DLGAP3: variants seen among roughly 807,000 people sequenced by gnomAD.
DLGAP3 encodes the protein DLG associated protein 3.
In DLGAP3, 17 loss-of-function variants were observed where a neutral mutation model predicts 81.2. The ratio of observed to expected loss-of-function variants is 0.21; its 90% CI spans 0.14 to 0.31. The LOEUF (loss-of-function observed/expected upper bound fraction) is 0.31. Among genes scored for constraint, DLGAP3 ranks in the 10% least tolerant of loss-of-function variants. The pLI, the probability that DLGAP3 is intolerant of heterozygous loss-of-function variation, is 1.00. For missense variants in DLGAP3, 1,124 were observed against 1,388.0 expected, an observed-to-expected ratio of 0.81 and a Z score of 3.02; for synonymous variants, 577 against 587.4, an observed-to-expected ratio of 0.98 and a Z score of 0.26.
intron 1 of DLGAP3, among the ~76,000 whole-genome samples, chr1:34,908,226 G>A (rs920110379): frequency 6.6e-6 from 1 of 152,218 alleles, no homozygotes; most frequent in Non-Finnish European, 1.5e-5. Context: ...CACTCACTAA[G>A]TAGATGAATA....
Position 34,896,660 on chromosome 1 carries a change from A to G in DLGAP3, c.1386+3009T>C, listed in dbSNP as rs138419213. ...GGTCTCTGTATTGTTTAGGAGGAGC[A>G]CAGAAAAAACTGTCAGCTTCAGACG... On this transcript the variant is annotated intron_variant, in intron 5 of 11. Transcript: ENST00000373347. Among the ~76,000 whole-genome samples, 5 of 152,166 alleles carry G rather than the reference A, an allele frequency of 3.3e-5. No individual in the cohort carries two copies. In the East Asian group the frequency reaches 9.6e-4, roughly 29 times the overall value.
At chr1:34,886,943 C>CTTTTTTTTTTT (rs949966445) in intron 5 of DLGAP3, among the ~76,000 whole-genome samples, 1 of 64,300 alleles carries the variant, frequency 1.6e-5, no homozygotes. Context: ...CCCCCACCTT[C>CTTTTTTTTTTT]TTTTTTTTTT....
chr1:34,883,203 G>A (rs1467207868), intron 8 of DLGAP3, among the ~76,000 whole-genome samples: 1 of 152,144 alleles, frequency 6.6e-6, no homozygotes, highest in East Asian at 1.9e-4. Context: ...GCTTCTGTGA[G>A]GGCAGAAGTC....
At chr1:34,896,685 G>A (rs559699658) in intron 5 of DLGAP3, among the ~76,000 whole-genome samples, 19 of 152,028 alleles carry the variant, frequency 1.2e-4, no homozygotes, top group African/African-American at 1.7e-4. Context: ...AGCTTCAGAC[G>A]TTAAGTCAAA....
chr1:34,867,398 C>A lies in DLGAP3; in HGVS notation c.2577+138G>T. The A allele has an allele frequency of 9.5e-7, 1 of 1,050,756 alleles. No individual in the cohort carries two copies. 65.1% of individuals were successfully genotyped at this position (1,050,756 alleles called of 1,614,324 possible). A position where few individuals can be genotyped will look rare whatever the true frequency, so the allele number is the denominator to read the frequency against. On this transcript the variant is annotated intron_variant, in intron 10 of 11. Coordinates refer to ENST00000373347, the MANE Select transcript of DLGAP3 (RefSeq NM_001080418.3). The surrounding 1 kb of genome is among the most constrained non-coding windows in gnomAD (Gnocchi z 4.3). ...GTCCTACCTCCAGGCACAAGACTCA[C>A]AGCTACCCCAGAAGGCATGCAGGCC...
intron 1 of DLGAP3, among the ~76,000 whole-genome samples, chr1:34,909,577 G>C (rs746356639): frequency 1.8e-4 from 27 of 152,302 alleles, no homozygotes; most frequent in Non-Finnish European, 3.5e-4. Flanking sequence ...AAAATCCCCA[G>C]TGTCCAAATA....
chr1:34,914,838 G>A (rs1321440370), intron 1 of DLGAP3, among the ~76,000 whole-genome samples: 2 of 152,154 alleles, frequency 1.3e-5, no homozygotes, highest in Non-Finnish European at 1.5e-5. Flanking sequence ...ATCGGAAATG[G>A]GTGGTCTGAA....
intron 8 of DLGAP3, 99 bp from the exon 9 acceptor site, chr1:34,869,188 C>A (rs900613100): frequency 4.6e-6 from 4 of 871,076 alleles, no homozygotes; most frequent in Non-Finnish European, 5.2e-6. Flanking sequence ...GAAAGGGAAC[C>A]TACAAAGTGA....
chr1:34,919,500 C>T (rs1034862645), intron 1 of DLGAP3, among the ~76,000 whole-genome samples: 4 of 152,122 alleles, frequency 2.6e-5, no homozygotes, highest in African/African-American at 7.2e-5. Flanking sequence ...ACAACCAGGC[C>T]GGGTGCAGTG....
intron 1 of DLGAP3, among the ~76,000 whole-genome samples, chr1:34,917,613 G>A (rs1026022238): frequency 6.6e-6 from 1 of 152,146 alleles, no homozygotes; most frequent in African/African-American, 2.4e-5. Flanking sequence ...CCCAAGTGCT[G>A]GGATTATAGG....
rs960258803 is a variant in DLGAP3 at position 34,902,556 on chromosome 1, G to A, written c.1107+1721C>T. 2.6e-5 allele frequency among the ~76,000 whole-genome samples: 4 copies of A among 152,088 alleles called. No homozygotes were observed. The highest frequency in any genetic ancestry group is 7.2e-5 in the African/African-American group (3 of 41,400). ...CCCTGCTTTTGTACCAGGGGAGTGCGAGGCTGTCTGGAGGGTCCCTATAGC... is the reference window on the plus strand; with the variant it reads ...CCCTGCTTTTGTACCAGGGGAGTGCAAGGCTGTCTGGAGGGTCCCTATAGC... On this transcript the variant is annotated intron_variant, in intron 3 of 11. Coordinates refer to ENST00000373347, the MANE Select transcript of DLGAP3 (RefSeq NM_001080418.3). This position sits in a 1 kb window ranked among gnomAD's most constrained non-coding sequence, Gnocchi z 4.4.
At chr1:34,899,532 G>A in intron 5 of DLGAP3, 137 bp downstream of exon 5, 1 of 815,876 alleles carries the variant, frequency 1.2e-6, no homozygotes, top group Non-Finnish European at 2.2e-6. Flanking sequence ...GGAGTCCTAA[G>A]GCAGGTTTCC....
intron 2 of DLGAP3, among the ~76,000 whole-genome samples, chr1:34,906,556 C>T (rs1270276309): frequency 2.0e-5 from 3 of 152,150 alleles, no homozygotes; most frequent in Admixed American, 6.5e-5. Context: ...CTTCCTCTTC[C>T]GGGTTCCAAA....
At chr1:34,912,102 T>C (rs563080948) in intron 1 of DLGAP3, among the ~76,000 whole-genome samples, 36 of 152,348 alleles carry the variant, frequency 2.4e-4, no homozygotes, top group African/African-American at 4.6e-4. Flanking sequence ...ATTAGGGCCA[T>C]AATAAAGGTA....
chr1:34,867,677 C>T lies in DLGAP3; in HGVS notation c.2486-50G>A, dbSNP rs1638907527. 5 of 1,459,118 alleles carry T rather than the reference C, an allele frequency of 3.4e-6. No individual in the cohort carries two copies. Among genetic ancestry groups the T allele is most frequent in the African/African-American group, 1.4e-5 (1 of 72,240 alleles). 90.4% of individuals were successfully genotyped at this position (1,459,118 alleles called of 1,614,324 possible). A position where few individuals can be genotyped will look rare whatever the true frequency, so the allele number is the denominator to read the frequency against. On this transcript the variant is annotated intron_variant, in intron 9 of 11. Transcript: ENST00000373347. The surrounding 1 kb of genome is among the most constrained non-coding windows in gnomAD (Gnocchi z 4.3). ...GAGGGAAATGATGCATCTCCTTCCC[C>T]AGCCTCCACGAAGTCTGCCCTGAAT...
intron 1 of DLGAP3, among the ~76,000 whole-genome samples, chr1:34,921,505 C>T (rs531315831): frequency 2.0e-5 from 3 of 152,314 alleles, no homozygotes; most frequent in Admixed American, 1.3e-4. Context: ...CTCCAATGAA[C>T]ACTTATGTGT....
Position 34,867,054 on chromosome 1 carries a change from C to A in DLGAP3, c.2715G>T (p.Glu905Asp). 6.2e-7 allele frequency: 1 copy of A among 1,614,114 alleles called. No individual in the cohort carries two copies. Among genetic ancestry groups the A allele is most frequent in the Non-Finnish European group, 8.5e-7 (1 of 1,179,952 alleles). The change falls in exon 11 of 12, where the codon GAG (glutamate) becomes GAT (aspartate). Residue 905 changes from glutamate to aspartate, a missense_variant. Glu to Asp is a conservative substitution (Grantham distance 45). This residue lies in a region of DLGAP3 where 133 missense variants were observed against 171.1 expected (regional missense o/e 0.78). Coordinates refer to ENST00000373347, the MANE Select transcript of DLGAP3 (RefSeq NM_001080418.3). This position sits in a 1 kb window ranked among gnomAD's most constrained non-coding sequence, Gnocchi z 4.3. ...GAAGGCACCCCAGCCCCACCTTAGG[C>A]TCCAGGAGTTTCCAGCTGTTGGCCT... ...QLKANSWKLL[E>D]PKEEKKVPPP...
intron 5 of DLGAP3, among the ~76,000 whole-genome samples, chr1:34,893,079 G>A (rs1419523136): frequency 4.0e-5 from 6 of 150,840 alleles, no homozygotes; most frequent in Non-Finnish European, 8.8e-5. Context: ...GGCTGAGGCA[G>A]GAGAATGGCG....
At chr1:34,922,295 A>G (rs952640366) in intron 1 of DLGAP3, among the ~76,000 whole-genome samples, 3 of 152,230 alleles carry the variant, frequency 2.0e-5, no homozygotes, top group Non-Finnish European at 4.4e-5. Flanking sequence ...CTTTCTGGAG[A>G]AGAGCTACAA....
Sources: allele counts gnomAD v4.1 joint callset (sites outside exome capture counted in the v4.1 genomes callset), GRCh38; gene constraint gnomAD v4.1.1; regional missense constraint gnomAD v4.1.1; non-coding constraint Gnocchi (gnomAD v3.1); transcripts MANE v1.5; gene names NCBI Gene and HGNC (gene_info 2026-07-23, HGNC 2026-07-21).